STK32A: variants seen among roughly 807,000 people sequenced by gnomAD.
STK32A encodes serine/threonine kinase 32A.
A neutral mutation model predicts 53.2 loss-of-function variants in STK32A; 41 were observed. The ratio of observed to expected loss-of-function variants is 0.77; its 90% CI spans 0.60 to 1.00. The LOEUF is 1.00. STK32A is among the 50% of genes least tolerant of loss of function. The pLI is 0.00. For synonymous variants in STK32A, 166 were observed against 162.8 expected, an observed-to-expected ratio of 1.02 and a Z score of -0.15; for missense variants, 458 against 485.8, an observed-to-expected ratio of 0.94 and a Z score of 0.54.
At chr5:147,267,791 TG>T (rs1187605067) in intron 2 of STK32A, among the ~76,000 whole-genome samples, 8 of 152,188 alleles carry the variant, frequency 5.3e-5, no homozygotes, top group South Asian at 2.1e-4. Context: ...CCTCAGGGTT[TG>T]GGTCACTTTA....
intron 11 of STK32A, among the ~76,000 whole-genome samples, chr5:147,376,195 T>A (rs1192352469): frequency 6.6e-6 from 1 of 152,202 alleles, no homozygotes; most frequent in Non-Finnish European, 1.5e-5. Context: ...TATATTTCAA[T>A]GGACAATTAA....
Position 147,323,986 on chromosome 5 carries a change from C to G in STK32A, c.349C>G (p.His117Asp). The G allele has an allele frequency of 6.2e-7, 1 of 1,612,716 alleles. No individual in the cohort carries two copies. The highest frequency in any genetic ancestry group is 8.5e-7 in the Non-Finnish European group (1 of 1,179,462). The change falls in exon 5 of 13, where the codon CAC becomes GAC. Residue 117 changes from histidine to aspartate, a missense_variant. Physicochemically the swap from His to Asp is moderately conservative, Grantham distance 81 (BLOSUM62 -1). Transcript: ENST00000397936. ...DLRYHLQQNVHFKEETVKLFI... is the reference protein window; with the variant it reads ...DLRYHLQQNVDFKEETVKLFI... ...GCGTTATCACCTGCAACAGAACGTC[C>G]ACTTCAAGGAAGAAACAGTGAAGCT... is the stretch of plus-strand genomic sequence containing the variant.
intron 2 of STK32A, among the ~76,000 whole-genome samples, chr5:147,242,875 C>A (rs1367011220): frequency 2.0e-5 from 3 of 152,118 alleles, no homozygotes; most frequent in Non-Finnish European, 4.4e-5. Flanking sequence ...GGATTGAGCA[C>A]AAGGTAAAAT....
At chr5:147,353,628 C>T (rs1407872199) in intron 7 of STK32A, among the ~76,000 whole-genome samples, 1 of 151,982 alleles carries the variant, frequency 6.6e-6, no homozygotes, top group Non-Finnish European at 1.5e-5. Flanking sequence ...GGCATGGTGG[C>T]GTGCATCTGT....
At chr5:147,371,797 A>G (rs1235810230) in intron 9 of STK32A, among the ~76,000 whole-genome samples, 1 of 152,228 alleles carries the variant, frequency 6.6e-6, no homozygotes, top group Non-Finnish European at 1.5e-5. Flanking sequence ...CTGGCAATGC[A>G]TAATAAGACC....
At chr5:147,373,434 T>C in intron 10 of STK32A, 140 bp downstream of exon 10, 1 of 1,210,460 alleles carries the variant, frequency 8.3e-7, no homozygotes, top group African/African-American at 1.5e-5. Context: ...ATGAGAGAAT[T>C]GAGACATGCA....
intron 7 of STK32A, among the ~76,000 whole-genome samples, chr5:147,352,657 T>A (rs1435375967): frequency 2.6e-5 from 4 of 152,120 alleles, no homozygotes; most frequent in Non-Finnish European, 5.9e-5. Flanking sequence ...ACTCTTAGAG[T>A]GACTGCAAGA....
chr5:147,269,891 G>A (rs1179017272), intron 2 of STK32A, among the ~76,000 whole-genome samples: 5 of 152,174 alleles, frequency 3.3e-5, no homozygotes, highest in Non-Finnish European at 7.3e-5. Context: ...ACTGCATACA[G>A]GGAGATAATC....
chr5:147,350,584 T>A (rs1581126980), intron 6 of STK32A, among the ~76,000 whole-genome samples: 1 of 151,978 alleles, frequency 6.6e-6, no homozygotes. Context: ...GCCAGGCTGG[T>A]CTCGAACTCC....
In STK32A at chr5:147,317,019, C is replaced by G. The variant is rs114398084; in HGVS notation, c.261-6879C>G. ...ATGATAGAATTCAAATATCACAACC[C>G]CTAAGGAATTTTTGCATCAAGACAA... On this transcript the variant is annotated intron_variant, in intron 4 of 12. Coordinates refer to ENST00000397936, the MANE Select transcript of STK32A (RefSeq NM_001112724.2). Among the ~76,000 whole-genome samples the G allele has an allele frequency of 7.6e-3, 1,154 of 151,748 alleles. 19 individuals are homozygous for G. Among genetic ancestry groups the G allele is most frequent in the African/African-American group, 0.026 (1,090 of 41,358 alleles).
chr5:147,246,401 C>T (rs1230172853), intron 2 of STK32A, among the ~76,000 whole-genome samples: 1 of 152,166 alleles, frequency 6.6e-6, no homozygotes, highest in African/African-American at 2.4e-5. Context: ...TTAGAAGAAT[C>T]AACTCAAACA....
At chr5:147,241,941 A>C (rs4705133) in intron 2 of STK32A, among the ~76,000 whole-genome samples, 62,036 of 152,028 alleles carry the variant, frequency 0.41, 12,800 homozygotes, top group Admixed American at 0.45. Context: ...ACAGAAATGC[A>C]TAACTCTTCC....
chr5:147,348,518 T>G (rs1299061581), intron 6 of STK32A, among the ~76,000 whole-genome samples: 2 of 152,216 alleles, frequency 1.3e-5, no homozygotes, highest in East Asian at 1.9e-4. Context: ...GCTGCTGATC[T>G]GGGCACTACA....
At chr5:147,246,709 A>C (rs887777932) in intron 2 of STK32A, among the ~76,000 whole-genome samples, 1 of 152,234 alleles carries the variant, frequency 6.6e-6, no homozygotes, top group Non-Finnish European at 1.5e-5. Flanking sequence ...AAATATTTGT[A>C]ATGTGATTTA....
chr5:147,371,527 C>T (rs757782298), intron 9 of STK32A, among the ~76,000 whole-genome samples: 8 of 152,182 alleles, frequency 5.3e-5, no homozygotes, highest in African/African-American at 1.7e-4. Context: ...TGGAACAGTG[C>T]CTCCAATCCT....
At position 147,335,818 on chromosome 5, in the gene STK32A, C is replaced by T. The variant is rs116713205; in HGVS notation, c.435-7188C>T. Among the ~76,000 whole-genome samples the T allele has an allele frequency of 3.3e-3, 505 of 152,152 alleles. 1 individual carries two copies. Among genetic ancestry groups the T allele is most frequent in the Admixed American group, 7.7e-3 (117 of 15,292 alleles). ...GTGTGTGTGTGTGCGCGCGTGCATG[C>T]GTGCGCGTGTGTGCGCGCATGTGTG... On this transcript the variant is annotated intron_variant, in intron 5 of 12. Coordinates refer to ENST00000397936, the MANE Select transcript of STK32A (RefSeq NM_001112724.2).
intron 2 of STK32A, among the ~76,000 whole-genome samples, chr5:147,274,885 CT>C (rs1247672655): frequency 6.6e-6 from 1 of 152,138 alleles, no homozygotes; most frequent in Non-Finnish European, 1.5e-5. Context: ...TGCTCTTAAT[CT>C]CAGTGGTCAT....
intron 7 of STK32A, among the ~76,000 whole-genome samples, chr5:147,360,723 A>G (rs1338598809): frequency 6.6e-6 from 1 of 152,318 alleles, no homozygotes; most frequent in East Asian, 1.9e-4. Context: ...TGTATTAGAC[A>G]GTAGGAATAT....
chr5:147,341,976 A>G (rs1308034136), intron 5 of STK32A, among the ~76,000 whole-genome samples: 1 of 152,132 alleles, frequency 6.6e-6, no homozygotes, highest in Non-Finnish European at 1.5e-5. Context: ...GAGTTTGCAA[A>G]GCCTTGGTGA....
Sources: gnomAD v4.1 joint callset for allele counts (sites outside exome capture counted in the v4.1 genomes callset) on GRCh38, gnomAD v4.1.1 for gene constraint, MANE v1.5 for transcripts, NCBI Gene and HGNC (gene_info 2026-07-23, HGNC 2026-07-21) for gene names.